Variants in SCOC observed in about 807,000 individuals in gnomAD.
The protein encoded by SCOC is short coiled-coil protein, also known as short coiled coil protein.
SCOC carries 7 observed loss-of-function variants against 9.9 expected under a neutral mutation model. The observed-to-expected ratio is 0.71, with a 90% confidence interval of 0.40 to 1.33. The LOEUF (loss-of-function observed/expected upper bound fraction) is 1.33. Ranked by LOEUF, SCOC falls within the 40% of genes most tolerant of loss-of-function variation. The pLI, the probability that SCOC is intolerant of heterozygous loss-of-function variation, is 0.01. For missense variants in SCOC, 66 were observed against 89.7 expected, an observed-to-expected ratio of 0.74 and a Z score of 1.07; for synonymous variants, 19 against 28.2, an observed-to-expected ratio of 0.67 and a Z score of 1.03.
chr4:140,341,554 C>T (rs1480991434), upstream of SCOC, among the ~76,000 whole-genome samples: 2 of 152,136 alleles, frequency 1.3e-5, no homozygotes, highest in Non-Finnish European at 2.9e-5. Flanking sequence ...AAGTGTGTGT[C>T]ATTATTTCTA....
intron 1 of SCOC, among the ~76,000 whole-genome samples, chr4:140,259,669 A>T (rs1350333548): frequency 6.6e-6 from 1 of 152,232 alleles, no homozygotes; most frequent in African/African-American, 2.4e-5. Flanking sequence ...TGAGCACACC[A>T]CTGCATTCCA....
upstream of SCOC, among the ~76,000 whole-genome samples, chr4:140,368,758 T>C (rs4956385): frequency 0.95 from 144,493 of 152,294 alleles, 68,586 homozygotes; most frequent in East Asian, 0.99. Context: ...TCATCTTGTG[T>C]GCAGCAAATC....
chr4:140,350,248 A>AT (rs11397347), intron 2 of SCOC, among the ~76,000 whole-genome samples: 30,583 of 151,764 alleles, frequency 0.2, 3,353 homozygotes, highest in South Asian at 0.32. Flanking sequence ...CTCTGTCTGC[A>AT]TTTTTTTTCA....
chr4:140,370,005 A>T (rs890472160), upstream of SCOC, among the ~76,000 whole-genome samples: 9 of 151,618 alleles, frequency 5.9e-5, no homozygotes, highest in African/African-American at 2.2e-4. Context: ...CAGCCTCCCA[A>T]GTCTGAAAGC....
At chr4:140,329,330 C>T (rs539333066) in intron 1 of SCOC, among the ~76,000 whole-genome samples, 4 of 152,252 alleles carry the variant, frequency 2.6e-5, no homozygotes, top group Admixed American at 1.3e-4. Context: ...AATCTAAGAC[C>T]TGAAACCATA....
chr4:140,258,089 A>G (rs367734358), intron 1 of SCOC, among the ~76,000 whole-genome samples: 17 of 152,294 alleles, frequency 1.1e-4, no homozygotes, highest in African/African-American at 4.1e-4. Context: ...CCACACCTGC[A>G]CAGCATAGTG....
chr4:140,276,660 T>C (rs960573789), intron 1 of SCOC, among the ~76,000 whole-genome samples: 10 of 151,920 alleles, frequency 6.6e-5, no homozygotes, highest in Non-Finnish European at 1.5e-4. Context: ...TTTCACCATC[T>C]TGGGGAGGCT....
intron 1 of SCOC, among the ~76,000 whole-genome samples, chr4:140,313,440 T>A (rs1407677548): frequency 6.6e-6 from 1 of 152,108 alleles, no homozygotes; most frequent in African/African-American, 2.4e-5. Context: ...TTAATAGAGA[T>A]GGGGTTTCAT....
intron 1 of SCOC, among the ~76,000 whole-genome samples, chr4:140,317,601 C>T (rs1021501544): frequency 8.0e-5 from 12 of 149,172 alleles, no homozygotes; most frequent in East Asian, 2.0e-4. Flanking sequence ...GTCTTGCTGA[C>T]GCTCCCAGCT....
chr4:140,304,554 G>A (rs1731908912), intron 1 of SCOC, among the ~76,000 whole-genome samples: 1 of 152,160 alleles, frequency 6.6e-6, no homozygotes, highest in South Asian at 2.1e-4. Flanking sequence ...GAACTACAGT[G>A]AAGCAATTAA....
chr4:140,294,034 C>T (rs978160693), intron 1 of SCOC, among the ~76,000 whole-genome samples: 8 of 152,142 alleles, frequency 5.3e-5, no homozygotes, highest in Admixed American at 5.2e-4. Flanking sequence ...GCCTTTGGGT[C>T]CAAAACACAT....
At chr4:140,281,979 C>T (rs543237434) in intron 1 of SCOC, among the ~76,000 whole-genome samples, 14 of 152,272 alleles carry the variant, frequency 9.2e-5, no homozygotes, top group Non-Finnish European at 1.8e-4. Context: ...ATATAAATAA[C>T]ACCCTTAATC....
rs554229001 is a variant in SCOC at position 140,295,290 on chromosome 4, A to G, written c.-19+37880A>G. ...TATCTTTGGTCTATAGGTAAGGGGT[A>G]AAATAACAGAAAAGGAACCATGGTT... On this transcript the variant is annotated intron_variant, in intron 1 of 4. Coordinates refer to the SCOC transcript ENST00000394205. 4.6e-5 allele frequency among the ~76,000 whole-genome samples: 7 copies of G among 152,266 alleles called. No individual in the cohort carries two copies. The East Asian group carries it at 1.2e-3, about 25-fold the overall frequency.
At chr4:140,338,315 A>T (rs953631213) in intron 1 of SCOC, among the ~76,000 whole-genome samples, 10 of 152,326 alleles carry the variant, frequency 6.6e-5, no homozygotes, top group African/African-American at 1.9e-4. Flanking sequence ...AATAAGAGCT[A>T]TTTATGACAA....
At chr4:140,377,063 T>C (rs1728374139) in intron 1 of SCOC, among the ~76,000 whole-genome samples, 2 of 152,230 alleles carry the variant, frequency 1.3e-5, no homozygotes, top group African/African-American at 2.4e-5. Flanking sequence ...TGCAGCTTAC[T>C]CTTGCTGAGC....
chr4:140,304,610 C>G (rs1232502955), intron 1 of SCOC, among the ~76,000 whole-genome samples: 1 of 152,110 alleles, frequency 6.6e-6, no homozygotes, highest in Non-Finnish European at 1.5e-5. Flanking sequence ...TGCAGGCAGC[C>G]CATATACCAG....
At chr4:140,375,486 A>T (rs1353102044) in intron 1 of SCOC, among the ~76,000 whole-genome samples, 1 of 152,204 alleles carries the variant, frequency 6.6e-6, no homozygotes, top group African/African-American at 2.4e-5. Flanking sequence ...AATCCAGGTA[A>T]TCTGAATCCA....
chr4:140,260,809 C>T (rs1239136660), intron 1 of SCOC, among the ~76,000 whole-genome samples: 2 of 152,156 alleles, frequency 1.3e-5, no homozygotes, highest in East Asian at 3.8e-4. Context: ...GTCTGTAAAA[C>T]ACACTGTGAG....
At chr4:140,325,603 A>G (rs1732622063) in intron 1 of SCOC, among the ~76,000 whole-genome samples, 1 of 152,176 alleles carries the variant, frequency 6.6e-6, no homozygotes, top group Non-Finnish European at 1.5e-5. Flanking sequence ...ATCATTTGTT[A>G]TCAGAAAAAT....
Sources: gnomAD v4.1 joint callset for allele counts (sites outside exome capture counted in the v4.1 genomes callset) on GRCh38, gnomAD v4.1.1 for gene constraint, MANE v1.5 for transcripts, NCBI Gene and HGNC (gene_info 2026-07-23, HGNC 2026-07-21) for gene names.